GPHN: variants seen among roughly 807,000 people sequenced by gnomAD.
The protein encoded by GPHN is gephyrin.
Under a neutral mutation model 95.5 loss-of-function variants are expected in GPHN, and 17 were observed. The ratio of observed to expected loss-of-function variants is 0.18; its 90% confidence interval spans 0.12 to 0.27. The LOEUF is 0.27. Ranked by LOEUF, GPHN falls within the 10% of genes least tolerant of loss-of-function variation. The pLI, the probability that GPHN is intolerant of heterozygous loss-of-function variation, is 1.00. For synonymous variants in GPHN, 320 were observed against 322.5 expected (o/e 0.99, Z 0.08); for missense variants, 660 against 978.1 (o/e 0.67, Z 4.34).
chr14:67,325,185 G>A, the GPHN span, among the ~76,000 whole-genome samples: 3 of 152,072 alleles, frequency 2.0e-5, no homozygotes, highest in Admixed American at 6.6e-5. Context: ...GATTACAGGC[G>A]TGAGCCACCA....
the GPHN span, chr14:67,581,156 C>T: frequency 4.4e-6 from 3 of 679,240 alleles, no homozygotes; most frequent in Non-Finnish European, 8.0e-6. Context: ...AGATATAACA[C>T]TGCCTGGCAG....
the GPHN span, among the ~76,000 whole-genome samples, chr14:67,717,096 G>A: frequency 6.6e-6 from 1 of 151,866 alleles, no homozygotes; most frequent in African/African-American, 2.4e-5. Context: ...ACTTCAGCAT[G>A]TATATATATC....
intron 2 of GPHN, among the ~76,000 whole-genome samples, chr14:66,690,915 A>C (rs1215088410): frequency 1.3e-5 from 2 of 152,174 alleles, no homozygotes; most frequent in African/African-American, 4.8e-5. Context: ...GTTCAGTGAC[A>C]TTTGACTGTA....
intron 1 of GPHN, among the ~76,000 whole-genome samples, chr14:66,554,505 A>G (rs1020261829): frequency 1.6e-4 from 24 of 152,318 alleles, no homozygotes; most frequent in East Asian, 5.8e-4. Flanking sequence ...CCTTCTTCAC[A>G]TGGTGGCAGG....
chr14:67,691,267 C>G, the GPHN span: 1 of 1,563,402 alleles, frequency 6.4e-7, no homozygotes, highest in Non-Finnish European at 8.8e-7. Context: ...GACGATGGAG[C>G]GTGGAAGTGG....
Position 66,537,230 on chromosome 14 carries a change from T to C in GPHN, c.64+28639T>C, listed in dbSNP as rs2140017183. Among the ~76,000 whole-genome samples, 2 of 152,272 alleles carry C rather than the reference T, an allele frequency of 1.3e-5. 1 individual carries two copies. Among genetic ancestry groups the C allele is most frequent in the East Asian group, 3.9e-4 (2 of 5,180 alleles). ...CTTTAGTTGTAATAGGTATTCTATT[T>C]ACATTTAATGTGGTTACTAGTATAG... is the stretch of plus-strand genomic sequence containing the variant. On this transcript the variant is annotated intron_variant, in intron 1 of 22. Coordinates refer to ENST00000478722, the MANE Select transcript of GPHN (RefSeq NM_020806.5).
chr14:67,405,374 A>G, the GPHN span, among the ~76,000 whole-genome samples: 1 of 152,130 alleles, frequency 6.6e-6, no homozygotes, highest in Admixed American at 6.6e-5. Context: ...TGATGAGATG[A>G]TTAGGGAAAT....
At chr14:67,415,197 C>T in the GPHN span, among the ~76,000 whole-genome samples, 1 of 152,136 alleles carries the variant, frequency 6.6e-6, no homozygotes, top group Non-Finnish European at 1.5e-5. Context: ...ATCACTCAGA[C>T]AGATGATCAG....
At chr14:67,548,913 G>A in the GPHN span, among the ~76,000 whole-genome samples, 1 of 152,132 alleles carries the variant, frequency 6.6e-6, no homozygotes, top group Non-Finnish European at 1.5e-5. Flanking sequence ...AAATTTTTCT[G>A]AGTGGATAAA....
At chr14:67,546,679 C>T in the GPHN span, among the ~76,000 whole-genome samples, 1,953 of 152,254 alleles carry the variant, frequency 0.013, 42 homozygotes, top group African/African-American at 0.045. Flanking sequence ...CGTGAGCCAC[C>T]GTGCCCAGGC....
chr14:67,156,719 A>G (rs112554023), intron 18 of GPHN, among the ~76,000 whole-genome samples: 10,031 of 152,148 alleles, frequency 0.066, 351 homozygotes, highest in Middle Eastern at 0.085. Flanking sequence ...GCTCATGCCT[A>G]TAATCCCAGC....
intron 4 of GPHN, among the ~76,000 whole-genome samples, chr14:66,859,249 A>G (rs2062928681): frequency 6.6e-6 from 1 of 152,144 alleles, no homozygotes; most frequent in Non-Finnish European, 1.5e-5. Flanking sequence ...GACCCATACT[A>G]CTGGTGATGG....
At chr14:66,812,605 T>C (rs1280563726) in intron 3 of GPHN, among the ~76,000 whole-genome samples, 2 of 152,116 alleles carry the variant, frequency 1.3e-5, no homozygotes, top group African/African-American at 4.8e-5. Context: ...TTGAACCAAA[T>C]AGAAATTTAA....
the GPHN span, among the ~76,000 whole-genome samples, chr14:67,224,369 T>C: frequency 6.6e-6 from 1 of 151,632 alleles, no homozygotes; most frequent in Non-Finnish European, 1.5e-5. Flanking sequence ...AGCGATTCTC[T>C]TGCCTCAGTC....
the GPHN span, among the ~76,000 whole-genome samples, chr14:67,498,310 C>A: frequency 1.3e-5 from 2 of 152,144 alleles, no homozygotes; most frequent in African/African-American, 4.8e-5. Context: ...CTGTGGTTCT[C>A]CCTGTGCACA....
intron 2 of GPHN, among the ~76,000 whole-genome samples, chr14:66,726,957 C>T (rs1201181959): frequency 6.6e-6 from 1 of 152,126 alleles, no homozygotes; most frequent in Non-Finnish European, 1.5e-5. Context: ...AGACTTTAGT[C>T]TTATATGATT....
At chr14:67,348,969 T>C in the GPHN span, 9 of 1,450,700 alleles carry the variant, frequency 6.2e-6, no homozygotes, top group Non-Finnish European at 8.7e-6. Context: ...TCTTGCTGTA[T>C]AAACAGGTTA....
At chr14:66,882,094 C>A (rs760029968) in intron 5 of GPHN, among the ~76,000 whole-genome samples, 11 of 151,814 alleles carry the variant, frequency 7.2e-5, no homozygotes, top group Non-Finnish European at 1.2e-4. Flanking sequence ...TTTGTATGCA[C>A]TTCTGGCTTT....
At chr14:67,558,056 G>A in the GPHN span, among the ~76,000 whole-genome samples, 1 of 152,188 alleles carries the variant, frequency 6.6e-6, no homozygotes, top group African/African-American at 2.4e-5. Flanking sequence ...AGAGGCCACT[G>A]CCCAGCATTT....
Sources: gnomAD v4.1 joint callset for allele counts (sites outside exome capture counted in the v4.1 genomes callset) on GRCh38, gnomAD v4.1.1 for gene constraint, MANE v1.5 for transcripts, NCBI Gene and HGNC (gene_info 2026-07-23, HGNC 2026-07-21) for gene names.